AK9: variants seen among roughly 807,000 people sequenced by gnomAD.
AK9 encodes the protein adenylate kinase domain containing 1.
In AK9, 191 loss-of-function variants were observed where a neutral mutation model predicts 239.6. The observed-to-expected ratio is 0.80, with a 90% CI of 0.71 to 0.90. The LOEUF (loss-of-function observed/expected upper bound fraction) is 0.90. AK9 is among the 40% of genes least tolerant of loss of function. AK9 has a pLI of 0.00. For missense variants in AK9, 1,995 were observed against 2,214.7 expected (o/e 0.90, Z 1.99); for synonymous variants, 689 against 721.0 (o/e 0.96, Z 0.71).
chr6:109,537,642 G>A (rs1782215577), intron 27 of AK9, among the ~76,000 whole-genome samples: 2 of 151,132 alleles, frequency 1.3e-5, no homozygotes, highest in African/African-American at 4.8e-5. Context: ...CTTGCCTTCT[G>A]CTAGCTTTTC....
At chr6:109,516,898 A>G (rs1034855033) in intron 29 of AK9, among the ~76,000 whole-genome samples, 2 of 151,636 alleles carry the variant, frequency 1.3e-5, no homozygotes, top group African/African-American at 2.4e-5. Context: ...ATTATTTTTG[A>G]ATTTATTTTG....
rs1263969748 is a variant in AK9, at chr6:109,542,045, AC to A, written c.3350+1del. 2.5e-6 allele frequency: 4 copies of A among 1,573,660 alleles called. No individual in the cohort carries two copies. The highest frequency in any genetic ancestry group is 3.4e-6 in the Non-Finnish European group (4 of 1,159,604). ...TGTACAATTCTATATAAATTAAGAT[AC>A]CGTATTGGTTCCTTAAGCCACCACT... On this transcript the variant is annotated splice_donor_variant, in intron 27 of 40. Coordinates refer to ENST00000424296, the MANE Select transcript of AK9 (RefSeq NM_001145128.3). LOFTEE classifies it high-confidence loss of function.
intron 1 of AK9, among the ~76,000 whole-genome samples, chr6:109,684,873 CAAAAAAAAAAAAAAAAAAAAAAAAA>C (rs60500211): frequency 4.6e-5 from 1 of 21,854 alleles, no homozygotes; most frequent in African/African-American, 1.7e-4. Flanking sequence ...GACTCCGTCT[CAAAAAAAAAAAAAAAAAAAAAAAAA>C]AAAAAAAAAA....
chr6:109,593,609 T>C (rs969807079), intron 17 of AK9, among the ~76,000 whole-genome samples: 12 of 152,050 alleles, frequency 7.9e-5, no homozygotes, highest in African/African-American at 2.9e-4. Flanking sequence ...AATGCAAGAA[T>C]CCTCAATAAA....
intron 24 of AK9, among the ~76,000 whole-genome samples, chr6:109,560,925 C>G (rs1468698028): frequency 6.6e-6 from 1 of 152,078 alleles, no homozygotes; most frequent in Non-Finnish European, 1.5e-5. Context: ...TTTTGTATGT[C>G]TAACAGAGTC....
chr6:109,493,543 T>C lies in AK9; in HGVS notation c.5562A>G (p.Thr1854=), dbSNP rs769842370. 1.9e-6 allele frequency: 3 copies of C among 1,613,972 alleles called. No individual in the cohort carries two copies. The highest frequency in any genetic ancestry group is 1.6e-4 in the Middle Eastern group (1 of 6,062). Residue 1854 remains threonine (T), a synonymous_variant, in exon 41 of 41, where the codon ACA becomes ACG. Coordinates refer to ENST00000424296, the MANE Select transcript of AK9 (RefSeq NM_001145128.3). ...KAFNPKGSEY[T]RKKYKKKMEQ... ...CCATCTTCTTCTTATACTTTTTTCT[T>C]GTGTATTCGGAACCTTTGGGATTAA...
At chr6:109,575,142 T>C (rs1787898726) in intron 20 of AK9, among the ~76,000 whole-genome samples, 1 of 152,076 alleles carries the variant, frequency 6.6e-6, no homozygotes, top group Non-Finnish European at 1.5e-5. Flanking sequence ...TATAAACGTG[T>C]GTGTGCAAGT....
chr6:109,603,667 G>A (rs1792409333), intron 17 of AK9, among the ~76,000 whole-genome samples: 1 of 152,226 alleles, frequency 6.6e-6, no homozygotes, highest in African/African-American at 2.4e-5. Flanking sequence ...CCTGCCCCCA[G>A]AGGTGGAGTC....
At chr6:109,542,836 C>T (rs1783070574) in intron 26 of AK9, among the ~76,000 whole-genome samples, 1 of 151,978 alleles carries the variant, frequency 6.6e-6, no homozygotes, top group African/African-American at 2.4e-5. Context: ...ACTTTTGCAC[C>T]AACCTATAGT....
At chr6:109,669,719 G>C (rs1801799355) in intron 5 of AK9, among the ~76,000 whole-genome samples, 1 of 152,168 alleles carries the variant, frequency 6.6e-6, no homozygotes, top group African/African-American at 2.4e-5. Flanking sequence ...TACGGGTTGA[G>C]AGCAAACATC....
At chr6:109,567,882 TAAAA>T (rs71018349) in intron 21 of AK9, among the ~76,000 whole-genome samples, 1 of 132,656 alleles carries the variant, frequency 7.5e-6, no homozygotes. Flanking sequence ...TAAAGTAAAA[TAAAA>T]AAAAAAAAAA....
intron 26 of AK9, among the ~76,000 whole-genome samples, chr6:109,545,414 TG>T (rs1345392684): frequency 6.6e-6 from 1 of 152,086 alleles, no homozygotes; most frequent in Non-Finnish European, 1.5e-5. Flanking sequence ...AGGGACACAG[TG>T]GGAAGTAATT....
chr6:109,656,424 G>C (rs190435904), intron 8 of AK9, among the ~76,000 whole-genome samples: 1 of 152,218 alleles, frequency 6.6e-6, no homozygotes, highest in East Asian at 1.9e-4. Context: ...TTTTGATAAA[G>C]CTATAACTTA....
At chr6:109,647,947 G>A (rs561590808) in intron 8 of AK9, among the ~76,000 whole-genome samples, 31 of 151,928 alleles carry the variant, frequency 2.0e-4, no homozygotes, top group Non-Finnish European at 3.7e-4. Context: ...ACTCAAAACC[G>A]CTCAACTACA....
At chr6:109,589,536 CTT>C (rs1789944794) in intron 17 of AK9, among the ~76,000 whole-genome samples, 1 of 152,120 alleles carries the variant, frequency 6.6e-6, no homozygotes, top group South Asian at 2.1e-4. Context: ...TTGAGTTCCT[CTT>C]TTCCAATTTG....
At chr6:109,523,786 C>T (rs1211102444) in intron 29 of AK9, among the ~76,000 whole-genome samples, 1 of 152,140 alleles carries the variant, frequency 6.6e-6, no homozygotes. Flanking sequence ...AGCCTGTGAA[C>T]CATGTACATA....
At chr6:109,669,712 G>A (rs566158760) in intron 5 of AK9, among the ~76,000 whole-genome samples, 5 of 152,208 alleles carry the variant, frequency 3.3e-5, no homozygotes, top group South Asian at 2.1e-4. Flanking sequence ...ACCAGGCTAC[G>A]GGTTGAGAGC....
intron 3 of AK9, among the ~76,000 whole-genome samples, chr6:109,673,655 G>T (rs1771261000): frequency 6.6e-6 from 1 of 152,066 alleles, no homozygotes; most frequent in African/African-American, 2.4e-5. Context: ...AAGAAAAGCT[G>T]TGAGAGTTCC....
chr6:109,679,239 A>C (rs117901418), intron 1 of AK9, among the ~76,000 whole-genome samples: 2,022 of 152,248 alleles, frequency 0.013, 31 homozygotes, highest in Non-Finnish European at 0.019. Flanking sequence ...CCGCAGTCTG[A>C]AGTGACCTGG....
Sources: gnomAD v4.1 joint callset for allele counts (sites outside exome capture counted in the v4.1 genomes callset) on GRCh38, gnomAD v4.1.1 for gene constraint, MANE v1.5 for transcripts, NCBI Gene and HGNC (gene_info 2026-07-23, HGNC 2026-07-21) for gene names.